The following ARL15 variants were observed in gnomAD, a reference collection of about 807,000 sequenced individuals.
The protein encoded by ARL15 is ARF like GTPase 15.
In ARL15, 19 loss-of-function variants were observed where a neutral mutation model predicts 25.2. The observed-to-expected ratio is 0.75, with a 90% CI of 0.53 to 1.10. The LOEUF is 1.10. ARL15 is among the 50% of genes least tolerant of loss of function. The pLI, the probability that ARL15 is intolerant of heterozygous loss-of-function variation, is 0.00. For synonymous variants in ARL15, 94 were observed against 86.8 expected (o/e 1.08, Z -0.46); for missense variants, 220 against 246.0 (o/e 0.89, Z 0.71).
rs565634001 is a variant in ARL15, at chr5:54,260,927, G to A, written c.48+49505C>T. 7.2e-5 allele frequency among the ~76,000 whole-genome samples: 11 copies of A among 152,292 alleles called. No homozygotes were observed. In the East Asian group the frequency reaches 2.1e-3, roughly 29 times the overall value. ...GAACTTGGAATATAGCCTGGATAATGAGTAAACTCCATGCTTCTCTGAATA... is the reference window on the plus strand; with the variant it reads ...GAACTTGGAATATAGCCTGGATAATAAGTAAACTCCATGCTTCTCTGAATA... On this transcript the variant is annotated intron_variant, in intron 1 of 4. Transcript: ENST00000504924.
intron 1 of ARL15, among the ~76,000 whole-genome samples, chr5:54,288,063 AT>A (rs1163118514): frequency 2.0e-5 from 3 of 152,114 alleles, no homozygotes; most frequent in African/African-American, 7.2e-5. Flanking sequence ...ACTAGTATGA[AT>A]AACAAGAAAC....
chr5:54,029,242 A>G (rs1295301154), intron 4 of ARL15, among the ~76,000 whole-genome samples: 1 of 151,998 alleles, frequency 6.6e-6, no homozygotes, highest in Non-Finnish European at 1.5e-5. Flanking sequence ...TCAGGAGTAC[A>G]TGAGATAATG....
At position 54,245,512 on chromosome 5, in the gene ARL15, G is replaced by A. The variant is rs78368541; in HGVS notation, c.48+64920C>T. 1.0e-2 allele frequency among the ~76,000 whole-genome samples: 1,520 copies of A among 152,254 alleles called. 29 individuals are homozygous for A. The highest frequency in any genetic ancestry group is 0.035 in the African/African-American group (1,459 of 41,552). ...GTACCAGCTGGTGCTACTGCTGACT[G>A]GCTATGATGTAACTTCAGGCAAGTT... is the stretch of plus-strand genomic sequence containing the variant. On this transcript the variant is annotated intron_variant, in intron 1 of 4. Coordinates refer to ENST00000504924, the MANE Select transcript of ARL15 (RefSeq NM_019087.3).
chr5:54,017,693 G>A (rs1025996283), intron 4 of ARL15, among the ~76,000 whole-genome samples: 7 of 151,910 alleles, frequency 4.6e-5, no homozygotes, highest in Admixed American at 4.6e-4. Context: ...TGAGCCAGAG[G>A]CAGTAACCAG....
intron 1 of ARL15, among the ~76,000 whole-genome samples, chr5:54,215,719 C>T (rs1481147525): frequency 2.0e-5 from 3 of 148,676 alleles, no homozygotes; most frequent in African/African-American, 5.0e-5. Flanking sequence ...TGTCACACTT[C>T]AGTCATGGTA....
intron 1 of ARL15, among the ~76,000 whole-genome samples, chr5:54,279,170 A>C (rs537954117): frequency 5.9e-5 from 9 of 151,708 alleles, no homozygotes; most frequent in African/African-American, 2.2e-4. Flanking sequence ...TTTACTCATA[A>C]CTCAGCATTT....
At chr5:54,152,761 C>G (rs1379818827) in intron 3 of ARL15, among the ~76,000 whole-genome samples, 1 of 152,164 alleles carries the variant, frequency 6.6e-6, no homozygotes, top group East Asian at 1.9e-4. Context: ...CCTATGGTAT[C>G]CTCTCCATTG....
intron 1 of ARL15, among the ~76,000 whole-genome samples, chr5:54,179,026 A>C (rs1194186724): frequency 6.6e-6 from 1 of 152,208 alleles, no homozygotes. Flanking sequence ...GTACCATATG[A>C]TTTCAATTTA....
intron 1 of ARL15, among the ~76,000 whole-genome samples, chr5:54,202,619 TA>T (rs1755754955): frequency 1.3e-5 from 2 of 152,148 alleles, no homozygotes; most frequent in African/African-American, 4.8e-5. Flanking sequence ...TGCAAAGTAA[TA>T]AAATGGTGTT....
At chr5:54,185,331 A>T (rs1755207767) in intron 1 of ARL15, among the ~76,000 whole-genome samples, 1 of 152,050 alleles carries the variant, frequency 6.6e-6, no homozygotes, top group African/African-American at 2.4e-5. Context: ...CTCAATGATC[A>T]TTTCTTTCAA....
intron 4 of ARL15, among the ~76,000 whole-genome samples, chr5:54,078,882 A>T (rs1396438926): frequency 6.6e-6 from 1 of 152,194 alleles, no homozygotes; most frequent in East Asian, 1.9e-4. Context: ...TATAAATAAC[A>T]TGCTTGTTTT....
chr5:54,093,595 CAT>C (rs1752194977), intron 4 of ARL15, among the ~76,000 whole-genome samples: 1 of 151,464 alleles, frequency 6.6e-6, no homozygotes, highest in African/African-American at 2.4e-5. Context: ...GCTTCCTGCA[CAT>C]AGTCTACCCA....
intron 4 of ARL15, among the ~76,000 whole-genome samples, chr5:53,930,117 C>T (rs1404817838): frequency 6.6e-6 from 1 of 152,038 alleles, no homozygotes; most frequent in Non-Finnish European, 1.5e-5. Context: ...AATTTTTATA[C>T]AATAATAAAA....
chr5:53,941,940 C>T (rs761737741), intron 4 of ARL15, among the ~76,000 whole-genome samples: 11 of 152,096 alleles, frequency 7.2e-5, no homozygotes, highest in South Asian at 2.1e-4. Context: ...GAGAAACCAC[C>T]GCAGGGCTCT....
chr5:54,189,929 A>G (rs1755347859), intron 1 of ARL15, among the ~76,000 whole-genome samples: 1 of 152,226 alleles, frequency 6.6e-6, no homozygotes, highest in African/African-American at 2.4e-5. Context: ...CTAATAAGAG[A>G]TCAATGTCTG....
rs76031206 is a variant in ARL15 at position 54,120,430 on chromosome 5, A to T, written c.254-7020T>A. ...TGTACTAAAACCACAAAGTACATTA[A>T]CCTATGTTCCTTGGGATACTTTTTG... On this transcript the variant is annotated intron_variant, in intron 3 of 4. Transcript: ENST00000504924. Among the ~76,000 whole-genome samples, 11 of 152,306 alleles carry T rather than the reference A, an allele frequency of 7.2e-5. No individual in the cohort carries two copies. In the East Asian group the frequency reaches 1.9e-3, roughly 27 times the overall value.
intron 1 of ARL15, among the ~76,000 whole-genome samples, chr5:54,281,894 A>AT (rs1758070554): frequency 6.6e-6 from 1 of 152,082 alleles, no homozygotes; most frequent in African/African-American, 2.4e-5. Context: ...TCACACAATC[A>AT]TTTTTTCATA....
intron 1 of ARL15, among the ~76,000 whole-genome samples, chr5:54,210,705 T>C (rs186444664): frequency 6.6e-6 from 1 of 152,348 alleles, no homozygotes; most frequent in Non-Finnish European, 1.5e-5. Flanking sequence ...GTTGCTATTA[T>C]TTGAATTGAC....
intron 1 of ARL15, among the ~76,000 whole-genome samples, chr5:54,290,041 C>T: frequency 6.6e-6 from 1 of 152,192 alleles, no homozygotes; most frequent in African/African-American, 2.4e-5. Context: ...CCTGCATTAC[C>T]AGGACTAACT....
Sources: gnomAD v4.1 joint callset for allele counts (sites outside exome capture counted in the v4.1 genomes callset) on GRCh38, gnomAD v4.1.1 for gene constraint, MANE v1.5 for transcripts, NCBI Gene and HGNC (gene_info 2026-07-23, HGNC 2026-07-21) for gene names.